Variants in CPB2 observed in about 807,000 individuals in gnomAD.
The protein encoded by CPB2 is carboxypeptidase B2.
Under a neutral mutation model 57.0 loss-of-function variants are expected in CPB2, and 54 were observed. That is an observed-to-expected ratio of 0.95 (90% CI 0.76 to 1.19). CPB2 has a LOEUF of 1.19. CPB2 is among the 50% of genes most tolerant of loss of function. The probability of loss-of-function intolerance (pLI) is 0.00; values close to 1 mark genes in which losing one functional copy is unlikely to be tolerated. For missense variants in CPB2, 426 were observed against 512.0 expected (o/e 0.83, Z 1.62); for synonymous variants, 189 against 178.1 (o/e 1.06, Z -0.49).
At chr13:46,092,842 G>T (rs1277660256) in intron 1 of CPB2, among the ~76,000 whole-genome samples, 3 of 152,286 alleles carry the variant, frequency 2.0e-5, no homozygotes, top group Non-Finnish European at 2.9e-5. Context: ...TAGGCAATTA[G>T]AAGTTAGAAA....
intron 6 of CPB2, 51 bp downstream of exon 6, chr13:46,073,822 G>A: frequency 8.2e-7 from 1 of 1,220,248 alleles, no homozygotes; most frequent in Non-Finnish European, 1.2e-6. Flanking sequence ...TGACACAGGT[G>A]ATCTTGGGCA....
chr13:46,090,374 T>TC (rs946917074), intron 1 of CPB2, among the ~76,000 whole-genome samples: 4 of 150,418 alleles, frequency 2.7e-5, no homozygotes, highest in African/African-American at 9.8e-5. Context: ...TTTTTTTTTT[T>TC]TTTTTGGAGA....
intron 6 of CPB2, among the ~76,000 whole-genome samples, chr13:46,070,458 C>G (rs942950626): frequency 6.6e-6 from 1 of 151,844 alleles, no homozygotes; most frequent in African/African-American, 2.4e-5. Context: ...GGATTGATTC[C>G]CATCAGCTGG....
At chr13:46,093,810 C>T (rs973163897) in intron 1 of CPB2, among the ~76,000 whole-genome samples, 1 of 152,008 alleles carries the variant, frequency 6.6e-6, no homozygotes, top group African/African-American at 2.4e-5. Flanking sequence ...AGAAAGGTTT[C>T]TATAGTACCA....
At chr13:46,069,247 T>C (rs1329814689) in intron 6 of CPB2, among the ~76,000 whole-genome samples, 2 of 152,232 alleles carry the variant, frequency 1.3e-5, no homozygotes, top group African/African-American at 4.8e-5. Flanking sequence ...AAATACAGTC[T>C]GTGCTGTGTG....
Position 46,105,031 on chromosome 13 carries a change from A to G in CPB2, c.-22T>C. The G allele has an allele frequency of 6.2e-7, 1 of 1,613,824 alleles. No individual in the cohort carries two copies. ...TCATCCCAACAGCAATTTTCTGTAC[A>G]ACAAATTTCTCTGAAGAGAAAAACC... is the stretch of plus-strand genomic sequence containing the variant. On this transcript the variant is annotated 5_prime_UTR_variant, in exon 1 of 11. Coordinates refer to ENST00000181383, the MANE Select transcript of CPB2 (RefSeq NM_001872.5).
chr13:46,082,957 T>C (rs954972147), intron 3 of CPB2, among the ~76,000 whole-genome samples: 1 of 151,974 alleles, frequency 6.6e-6, no homozygotes, highest in African/African-American at 2.4e-5. Context: ...GCCTTTTCTT[T>C]CTTTTTTTTT....
intron 1 of CPB2, among the ~76,000 whole-genome samples, chr13:46,091,414 T>C (rs2045290951): frequency 6.6e-6 from 1 of 152,228 alleles, no homozygotes; most frequent in Non-Finnish European, 1.5e-5. Context: ...TGAATAGAAG[T>C]GGAGATAAAA....
intron 4 of CPB2, among the ~76,000 whole-genome samples, 188 bp downstream of exon 4, chr13:46,082,253 A>G (rs1477667541): frequency 6.6e-6 from 1 of 152,216 alleles, no homozygotes; most frequent in East Asian, 1.9e-4. Context: ...TTTACCAAAT[A>G]TGATGCAGTC....
intron 8 of CPB2, 137 bp downstream of exon 8, chr13:46,064,511 C>G: frequency 1.5e-6 from 1 of 686,606 alleles, no homozygotes; most frequent in Non-Finnish European, 2.5e-6. Flanking sequence ...ATTACATTTA[C>G]CTAAGCATTT....
chr13:46,057,985 T>C (rs1316311401), intron 9 of CPB2, among the ~76,000 whole-genome samples, 194 bp downstream of exon 9: 4 of 152,292 alleles, frequency 2.6e-5, no homozygotes, highest in Admixed American at 6.5e-5. Context: ...TGTGTGTTGT[T>C]AGGGTAAGGC....
At chr13:46,099,851 CCT>C (rs1471958236) in intron 1 of CPB2, 4 of 151,956 alleles carry the variant, frequency 2.6e-5, no homozygotes, top group Non-Finnish European at 5.9e-5. Flanking sequence ...ATGGTGAAAC[CCT>C]GTCTTTACTA....
At chr13:46,056,251 A>G (rs147351769) in intron 9 of CPB2, among the ~76,000 whole-genome samples, 17 of 152,296 alleles carry the variant, frequency 1.1e-4, no homozygotes, top group African/African-American at 4.1e-4. Flanking sequence ...AACACATACA[A>G]ACACCTAATG....
intron 8 of CPB2, among the ~76,000 whole-genome samples, chr13:46,061,014 T>C (rs2044764981): frequency 6.6e-6 from 1 of 152,058 alleles, no homozygotes; most frequent in Non-Finnish European, 1.5e-5. Flanking sequence ...GATAAGAAAT[T>C]ACCAAGGGCT....
chr13:46,053,941 G>T, intron 10 of CPB2, 143 bp from the exon 11 acceptor site: 1 of 704,834 alleles, frequency 1.4e-6, no homozygotes, highest in Non-Finnish European at 2.3e-6. Context: ...ACTTTACAAT[G>T]AGTACCCTTG....
intron 5 of CPB2, among the ~76,000 whole-genome samples, chr13:46,076,808 A>G (rs2045029040): frequency 6.6e-6 from 1 of 152,216 alleles, no homozygotes; most frequent in Admixed American, 6.5e-5. Flanking sequence ...CTCATTTTCA[A>G]CAAAGGCACC....
chr13:46,062,199 TG>T (rs1323818031), intron 8 of CPB2, among the ~76,000 whole-genome samples: 1 of 152,076 alleles, frequency 6.6e-6, no homozygotes, highest in Non-Finnish European at 1.5e-5. Context: ...TAAATAACAC[TG>T]ACTTCACCAA....
At chr13:46,054,140 A>G (rs1593875830) in intron 10 of CPB2, among the ~76,000 whole-genome samples, 1 of 152,216 alleles carries the variant, frequency 6.6e-6, no homozygotes, top group East Asian at 1.9e-4. Flanking sequence ...ATCAATAGGA[A>G]TTATGAATTC....
chr13:46,074,397 A>C (rs969202140), intron 5 of CPB2, among the ~76,000 whole-genome samples: 1 of 151,080 alleles, frequency 6.6e-6, no homozygotes. Context: ...CAGAGCAAAA[A>C]CTCCCTCAAG....
Sources: gnomAD v4.1 joint callset for allele counts (sites outside exome capture counted in the v4.1 genomes callset) on GRCh38, gnomAD v4.1.1 for gene constraint, MANE v1.5 for transcripts, NCBI Gene and HGNC (gene_info 2026-07-23, HGNC 2026-07-21) for gene names.